The following ARHGEF10L variants were observed in gnomAD, a reference collection of about 807,000 sequenced individuals.
The protein encoded by ARHGEF10L is rho guanine nucleotide exchange factor 10-like protein.
ARHGEF10L carries 69 observed loss-of-function variants against 141.2 expected under a neutral mutation model. That is an observed-to-expected ratio of 0.49 (90% CI 0.40 to 0.60). The LOEUF is 0.60. ARHGEF10L is among the 20% of genes least tolerant of loss of function. The pLI is 0.00. For synonymous variants in ARHGEF10L, 711 were observed against 718.5 expected, an observed-to-expected ratio of 0.99 and a Z score of 0.17; for missense variants, 1,482 against 1,734.3, an observed-to-expected ratio of 0.85 and a Z score of 2.58.
At chr1:17,554,822 T>G (rs1359779517) in intron 1 of ARHGEF10L, among the ~76,000 whole-genome samples, 1 of 152,038 alleles carries the variant, frequency 6.6e-6, no homozygotes, top group Non-Finnish European at 1.5e-5. Context: ...AACTCCTGCG[T>G]TCAAGCGGTC....
chr1:17,694,876 G>A, intron 27 of ARHGEF10L: 1 of 609,354 alleles, frequency 1.6e-6, no homozygotes, highest in East Asian at 3.5e-5. Context: ...ACACAGACCA[G>A]GCGCTGTGCC....
chr1:17,597,799 G>A (rs921075733), intron 4 of ARHGEF10L, among the ~76,000 whole-genome samples: 2 of 152,202 alleles, frequency 1.3e-5, no homozygotes, highest in Non-Finnish European at 2.9e-5. Context: ...GTCGCTCACT[G>A]GGTTTTGATA....
At chr1:17,569,482 T>C (rs957037712) in intron 1 of ARHGEF10L, among the ~76,000 whole-genome samples, 13 of 152,200 alleles carry the variant, frequency 8.5e-5, no homozygotes, top group Non-Finnish European at 1.6e-4. Flanking sequence ...GTTGGGTGGG[T>C]TGAGCTGTTT....
Position 17,639,936 on chromosome 1 carries a change from G to T in ARHGEF10L, c.2172-266G>T. 6.8e-7 allele frequency: 1 copy of T among 1,476,694 alleles called. No individual in the cohort carries two copies. Among genetic ancestry groups the T allele is most frequent in the Non-Finnish European group, 9.0e-7 (1 of 1,109,210 alleles). The allele number at this position is 1,476,694 out of a possible 1,614,324, so 91.5% of individuals were successfully genotyped here. ...GGCTCTGCCGGGCACAAAGCCAGAG[G>T]CTCCTGGAGCCAGGCTGGGGAGCGT... On this transcript the variant is annotated intron_variant, in intron 20 of 28. Transcript: ENST00000361221. This position sits in a 1 kb window ranked among gnomAD's most constrained non-coding sequence, Gnocchi z 4.3.
At position 17,607,689 on chromosome 1, in the gene ARHGEF10L, G is replaced by A; in HGVS notation, c.434-113G>A. ...AGAGCTGGAGCCCCAGGGCCCCCAT[G>A]TTCTCCCTGACCCCCCCTCGCCCCA... On this transcript the variant is annotated intron_variant, in intron 6 of 28. Coordinates refer to ENST00000361221, the MANE Select transcript of ARHGEF10L (RefSeq NM_018125.4). This position sits in a 1 kb window ranked among gnomAD's most constrained non-coding sequence, Gnocchi z 4.5. The A allele has an allele frequency of 8.8e-7, 1 of 1,131,974 alleles. No individual in the cohort carries two copies. Among genetic ancestry groups the A allele is most frequent in the Non-Finnish European group, 1.2e-6 (1 of 851,184 alleles). The allele number at this position is 1,131,974 out of a possible 1,614,324, so 70.1% of individuals were successfully genotyped here.
rs1483088371 is a variant in ARHGEF10L at position 17,696,942 on chromosome 1, C to T, written c.3402C>T (p.Asp1134=). The change falls in exon 29 of 29, where the codon GAC becomes GAT. Residue 1134 remains aspartate (D), a synonymous_variant. Coordinates refer to ENST00000361221, the MANE Select transcript of ARHGEF10L (RefSeq NM_018125.4). ...TGGCCCCTGACATCCTGCGGAGTGA[C>T]CAGGAGGAGGCTGAGGGGCCCCGGG... ...SILAPDILRS[D]QEEAEGPRAE... The T allele has an allele frequency of 6.2e-7, 1 of 1,612,770 alleles. No homozygotes were observed. Among genetic ancestry groups the T allele is most frequent in the Non-Finnish European group, 8.5e-7 (1 of 1,179,872 alleles).
chr1:17,628,562 A>C (rs2060506879), intron 15 of ARHGEF10L, among the ~76,000 whole-genome samples: 1 of 152,022 alleles, frequency 6.6e-6, no homozygotes, highest in Non-Finnish European at 1.5e-5. Flanking sequence ...GGGATAGTTT[A>C]GGCTGGGGTG....
intron 4 of ARHGEF10L, among the ~76,000 whole-genome samples, chr1:17,593,198 G>A (rs2079737804): frequency 6.6e-6 from 1 of 152,216 alleles, no homozygotes; most frequent in Non-Finnish European, 1.5e-5. Context: ...GTGGGACTCT[G>A]CCTCACTCGT....
intron 1 of ARHGEF10L, among the ~76,000 whole-genome samples, chr1:17,580,161 A>G (rs2078424085): frequency 1.3e-5 from 2 of 152,240 alleles, no homozygotes; most frequent in South Asian, 4.1e-4. Context: ...AGGAGGAGGA[A>G]GTATCCAGCC....
chr1:17,609,313 G>C (rs1226795712), intron 7 of ARHGEF10L, among the ~76,000 whole-genome samples: 1 of 152,218 alleles, frequency 6.6e-6, no homozygotes, highest in Non-Finnish European at 1.5e-5. Context: ...GCAAGCCTGG[G>C]ACTGAGCAGG....
chr1:17,695,645 C>A, intron 28 of ARHGEF10L, among the ~76,000 whole-genome samples: 1 of 152,214 alleles, frequency 6.6e-6, no homozygotes, highest in East Asian at 1.9e-4. Context: ...CCAGGCCCGG[C>A]CTGCTCGTGG....
At chr1:17,609,795 C>T (rs918933434) in intron 7 of ARHGEF10L, among the ~76,000 whole-genome samples, 5 of 152,108 alleles carry the variant, frequency 3.3e-5, no homozygotes, top group Admixed American at 1.3e-4. Context: ...GCTGGAGGAG[C>T]GGCCCAGGCA....
chr1:17,677,492 G>T (rs747023458), intron 26 of ARHGEF10L, among the ~76,000 whole-genome samples: 9 of 152,226 alleles, frequency 5.9e-5, no homozygotes, highest in Non-Finnish European at 1.0e-4. Flanking sequence ...TCTGGCCCAG[G>T]GTGGGCACTG....
At chr1:17,602,401 AC>A (rs1252199473) in intron 5 of ARHGEF10L, among the ~76,000 whole-genome samples, 183 bp downstream of exon 5, 3 of 152,178 alleles carry the variant, frequency 2.0e-5, no homozygotes, top group Non-Finnish European at 4.4e-5. Flanking sequence ...ATCAGTTGAC[AC>A]ACCCAGTTTT....
At chr1:17,533,800 T>C in the ARHGEF10L span, among the ~76,000 whole-genome samples, 1 of 152,180 alleles carries the variant, frequency 6.6e-6, no homozygotes, top group Non-Finnish European at 1.5e-5. Context: ...TAGCAAAACG[T>C]GACCTAGTCT....
chr1:17,631,733 G>A (rs1340331590), intron 15 of ARHGEF10L, among the ~76,000 whole-genome samples: 2 of 152,224 alleles, frequency 1.3e-5, no homozygotes, highest in East Asian at 3.8e-4. Flanking sequence ...TTGCTTTCAT[G>A]TTCTGCCATG....
intron 8 of ARHGEF10L, among the ~76,000 whole-genome samples, chr1:17,613,483 G>A (rs2059650083): frequency 6.6e-6 from 1 of 152,242 alleles, no homozygotes; most frequent in African/African-American, 2.4e-5. Context: ...CACCTGGGGT[G>A]CTGTGTTAAA....
chr1:17,523,084 AT>A, the ARHGEF10L span, among the ~76,000 whole-genome samples: 47,920 of 114,926 alleles, frequency 0.42, 9,057 homozygotes, highest in East Asian at 0.67. Flanking sequence ...TTTGTTTTCC[AT>A]TTTTTTTTTT....
chr1:17,524,421 A>ACACACACACACACACACACAC, the ARHGEF10L span, among the ~76,000 whole-genome samples: 1 of 140,796 alleles, frequency 7.1e-6, no homozygotes, highest in Non-Finnish European at 1.5e-5. Context: ...ACACACACAC[A>ACACACACACACACACACACAC]AAATTAGCCT....
Sources: gnomAD v4.1 joint callset for allele counts (sites outside exome capture counted in the v4.1 genomes callset) on GRCh38, gnomAD v4.1.1 for gene constraint, Gnocchi (gnomAD v3.1) non-coding constraint, MANE v1.5 for transcripts, NCBI Gene and HGNC (gene_info 2026-07-23, HGNC 2026-07-21) for gene names.